Variants in MCU observed in about 807,000 individuals in gnomAD.
MCU encodes the protein calcium uniporter protein, mitochondrial.
A neutral mutation model predicts 45.2 loss-of-function variants in MCU; 12 were observed. That is an observed-to-expected ratio of 0.27 (90% CI 0.17 to 0.43). The LOEUF (loss-of-function observed/expected upper bound fraction) is 0.43, where lower values mean the gene tolerates loss of function less well. Among genes scored for constraint, MCU ranks in the 20% least tolerant of loss-of-function variants. The pLI is 1.00. For synonymous variants in MCU, 160 were observed against 165.1 expected, an observed-to-expected ratio of 0.97 and a Z score of 0.24; for missense variants, 324 against 436.7, an observed-to-expected ratio of 0.74 and a Z score of 2.30.
intron 1 of MCU, among the ~76,000 whole-genome samples, chr10:72,735,025 G>A (rs1006704930): frequency 6.6e-6 from 1 of 151,266 alleles, no homozygotes; most frequent in Non-Finnish European, 1.5e-5. Flanking sequence ...TCAGTGGGCT[G>A]TGATCGGGCC....
chr10:72,777,848 CAAAT>C (rs1843919018), intron 1 of MCU, among the ~76,000 whole-genome samples: 1 of 152,120 alleles, frequency 6.6e-6, no homozygotes, highest in African/African-American at 2.4e-5. Context: ...AGCAGAATAA[CAAAT>C]AATCTATACA....
intron 1 of MCU, among the ~76,000 whole-genome samples, chr10:72,825,393 G>A (rs944469525): frequency 1.3e-5 from 2 of 152,144 alleles, no homozygotes; most frequent in African/African-American, 4.8e-5. Flanking sequence ...TTCCTGATCT[G>A]ACAGTGTCAG....
chr10:72,816,822 C>A (rs1844634652), intron 1 of MCU, among the ~76,000 whole-genome samples: 1 of 152,166 alleles, frequency 6.6e-6, no homozygotes, highest in Non-Finnish European at 1.5e-5. Flanking sequence ...ACAAAAGAAT[C>A]TTCTGGACAG....
intron 1 of MCU, among the ~76,000 whole-genome samples, chr10:72,746,827 A>G (rs1843421398): frequency 1.3e-5 from 2 of 152,228 alleles, no homozygotes; most frequent in African/African-American, 4.8e-5. Flanking sequence ...ACATGTAGTT[A>G]TTATGTACTG....
At chr10:72,778,714 A>G (rs557764267) in intron 1 of MCU, among the ~76,000 whole-genome samples, 1 of 152,340 alleles carries the variant, frequency 6.6e-6, no homozygotes, top group South Asian at 2.1e-4. Context: ...AAATAATGAA[A>G]ACGATTGAAT....
chr10:72,714,052 C>G (rs1477615592), intron 1 of MCU, among the ~76,000 whole-genome samples: 5 of 151,196 alleles, frequency 3.3e-5, no homozygotes, highest in Non-Finnish European at 7.4e-5. Flanking sequence ...CTGCAACCTC[C>G]GCATCCCTGG....
intron 1 of MCU, among the ~76,000 whole-genome samples, chr10:72,737,627 C>G (rs556134302): frequency 6.6e-6 from 1 of 151,298 alleles, no homozygotes; most frequent in South Asian, 2.1e-4. Flanking sequence ...TCAAGTGATT[C>G]TTGTGCCTCA....
intron 1 of MCU, among the ~76,000 whole-genome samples, chr10:72,791,994 T>C (rs1488133870): frequency 2.0e-5 from 3 of 152,242 alleles, no homozygotes; most frequent in Non-Finnish European, 2.9e-5. Context: ...ACTTCCTAGC[T>C]GTTTGACCTT....
chr10:72,693,894 C>T (rs1203141270), intron 1 of MCU, among the ~76,000 whole-genome samples: 1 of 152,208 alleles, frequency 6.6e-6, no homozygotes, highest in Non-Finnish European at 1.5e-5. Context: ...TTTGATAAGA[C>T]ATCTTCTGAC....
Position 72,692,868 on chromosome 10 carries a change from CCT to C in MCU, c.150+570_150+571del, listed in dbSNP as rs574687582. ...AGGAAGGAAAATCAAACTTTATTCC[CCT>C]CTGTGACTTCCTCTGTGTGTGTGCA... On this transcript the variant is annotated intron_variant, in intron 1 of 7. Coordinates refer to ENST00000373053, the MANE Select transcript of MCU (RefSeq NM_138357.3). The C allele has an allele frequency of 4.2e-3, 6,048 of 1,443,152 alleles. 19 individuals are homozygous for C. Among genetic ancestry groups the C allele is most frequent in the Non-Finnish European group, 5.0e-3 (5,511 of 1,102,904 alleles). The allele number at this position is 1,443,152 out of a possible 1,614,324, so 89.4% of individuals were successfully genotyped here.
At chr10:72,840,679 T>C (rs1170987574) in intron 2 of MCU, among the ~76,000 whole-genome samples, 2 of 152,214 alleles carry the variant, frequency 1.3e-5, no homozygotes, top group Non-Finnish European at 2.9e-5. Flanking sequence ...CCAAAAATTA[T>C]AGGGCACACA....
rs548539792 is a variant in MCU at position 72,885,077 on chromosome 10, G to C, written c.979-668G>C. 5.9e-5 allele frequency among the ~76,000 whole-genome samples: 9 copies of C among 152,140 alleles called. No homozygotes were observed. The South Asian group carries it at 1.9e-3, about 32-fold the overall frequency. ...CTTTCCTGTCTCTTCTTGATGATAG[G>C]GTTGTGCTTTGAATAGGCTTAATCC... On this transcript the variant is annotated intron_variant, in intron 7 of 7. Coordinates refer to ENST00000373053, the MANE Select transcript of MCU (RefSeq NM_138357.3).
intron 1 of MCU, among the ~76,000 whole-genome samples, chr10:72,799,769 A>T (rs144922810): frequency 3.0e-4 from 46 of 152,184 alleles, no homozygotes; most frequent in African/African-American, 8.7e-4. Context: ...TATTATTAAG[A>T]TTAAACTTTT....
chr10:72,882,416 A>T (rs1845717305), intron 6 of MCU, among the ~76,000 whole-genome samples: 1 of 152,140 alleles, frequency 6.6e-6, no homozygotes, highest in Non-Finnish European at 1.5e-5. Context: ...CAAATGGGAG[A>T]AATATCGCTG....
chr10:72,860,319 A>T, intron 3 of MCU, 104 bp from the exon 4 acceptor site: 1 of 936,370 alleles, frequency 1.1e-6, no homozygotes, highest in Non-Finnish European at 1.6e-6. Context: ...CTGAAATTTT[A>T]AAAGGAAGAG....
chr10:72,721,437 C>T (rs935240043), intron 1 of MCU, among the ~76,000 whole-genome samples: 1 of 152,190 alleles, frequency 6.6e-6, no homozygotes, highest in Non-Finnish European at 1.5e-5. Context: ...CAGCACATCA[C>T]TGTTGAACAT....
At chr10:72,723,905 T>G (rs1480286488) in intron 1 of MCU, among the ~76,000 whole-genome samples, 1 of 152,220 alleles carries the variant, frequency 6.6e-6, no homozygotes, top group African/African-American at 2.4e-5. Flanking sequence ...ATTTTAATAA[T>G]GTTATTCAGA....
chr10:72,815,040 T>C (rs1844604489), intron 1 of MCU, among the ~76,000 whole-genome samples: 1 of 152,166 alleles, frequency 6.6e-6, no homozygotes, highest in Non-Finnish European at 1.5e-5. Context: ...TATATCAATT[T>C]AAGAAAATAC....
chr10:72,887,172 T>C lies in MCU; in HGVS notation c.*1350T>C, dbSNP rs1343668272. ...GCCTTTTCTTTCACGTGATTCATCC[T>C]TCCTCATTGTGGCAAGGAGTTTCTT... On this transcript the variant is annotated 3_prime_UTR_variant, in exon 8 of 8. Coordinates refer to ENST00000373053, the MANE Select transcript of MCU (RefSeq NM_138357.3). 6.6e-6 allele frequency: 1 copy of C among 152,650 alleles called. No homozygotes were observed. The highest frequency in any genetic ancestry group is 1.5e-5 in the Non-Finnish European group (1 of 68,046). The allele number at this position is 152,650 out of a possible 1,614,324, so 9.5% of individuals were successfully genotyped here. A position where few individuals can be genotyped will look rare whatever the true frequency, so the allele number is the denominator to read the frequency against.
Sources: allele counts gnomAD v4.1 joint callset (sites outside exome capture counted in the v4.1 genomes callset), GRCh38; gene constraint gnomAD v4.1.1; transcripts MANE v1.5; gene names NCBI Gene and HGNC (gene_info 2026-07-23, HGNC 2026-07-21).